ART3: variants seen among roughly 807,000 people sequenced by gnomAD.
ART3 encodes the protein ecto-ADP-ribosyltransferase 3.
ART3 carries 49 observed loss-of-function variants against 48.5 expected under a neutral mutation model. The ratio of observed to expected loss-of-function variants is 1.01; its 90% CI spans 0.80 to 1.28. ART3 has a LOEUF of 1.28. Among genes scored for constraint, ART3 ranks in the 50% most tolerant of loss-of-function variants. The probability of loss-of-function intolerance (pLI) is 0.00; values close to 1 mark genes in which losing one functional copy is unlikely to be tolerated. For missense variants in ART3, 438 were observed against 454.3 expected, an observed-to-expected ratio of 0.96 and a Z score of 0.33; for synonymous variants, 145 against 157.2, an observed-to-expected ratio of 0.92 and a Z score of 0.58.
At chr4:76,072,598 G>A (rs921222930), upstream of ART3, among the ~76,000 whole-genome samples, 2 of 148,010 alleles carry the variant, frequency 1.4e-5, no homozygotes, top group African/African-American at 2.6e-5. Context: ...ACCATTCTCA[G>A]CATAACAGCC....
At chr4:76,036,121 A>G in intron 1 of ART3, 1 of 700,128 alleles carries the variant, frequency 1.4e-6, no homozygotes, top group Non-Finnish European at 2.4e-6. Context: ...TACACCAGCA[A>G]TCCTTTTATG....
chr4:76,059,471 T>C (rs1242919509), intron 1 of ART3, among the ~76,000 whole-genome samples: 1 of 152,006 alleles, frequency 6.6e-6, no homozygotes, highest in Non-Finnish European at 1.5e-5. Context: ...AAAAAATCTG[T>C]TAAATTTATT....
intron 1 of ART3, among the ~76,000 whole-genome samples, chr4:76,051,886 C>T (rs1471420134): frequency 8.0e-6 from 1 of 124,496 alleles, no homozygotes; most frequent in Non-Finnish European, 1.6e-5. Flanking sequence ...TATGTTGTAT[C>T]TCTCTCTCTC....
chr4:76,112,716 A>G lies in ART3; in HGVS notation c.*197A>G. 2.1e-6 allele frequency: 1 copy of G among 477,252 alleles called. No individual in the cohort carries two copies. Among genetic ancestry groups the G allele is most frequent in the Non-Finnish European group, 3.5e-6 (1 of 285,822 alleles). The allele number at this position is 477,252 out of a possible 1,614,324, so 29.6% of individuals were successfully genotyped here. ...TCACAGAACTTTTCACTTGTATACT[A>G]CTCTTACAATGGAAAAAAATCCCGA... On this transcript the variant is annotated 3_prime_UTR_variant, in exon 12 of 12. Coordinates refer to ENST00000355810, the MANE Select transcript of ART3 (RefSeq NM_001130016.3).
chr4:76,045,647 C>A (rs1383260812), intron 1 of ART3, among the ~76,000 whole-genome samples: 1 of 151,988 alleles, frequency 6.6e-6, no homozygotes, highest in East Asian at 1.9e-4. Flanking sequence ...GAAGTTCTGT[C>A]CTGTGGGAAG....
At chr4:76,082,569 G>C (rs1722707494) in intron 3 of ART3, 34 bp downstream of exon 3, 16 of 1,493,764 alleles carry the variant, frequency 1.1e-5, no homozygotes, top group Non-Finnish European at 1.4e-5. Context: ...TTGGCTGGGA[G>C]GGAAGGAGTG....
chr4:76,062,287 A>C (rs1719288590), intron 1 of ART3, among the ~76,000 whole-genome samples: 1 of 152,196 alleles, frequency 6.6e-6, no homozygotes, highest in African/African-American at 2.4e-5. Flanking sequence ...TTTTCTTTTA[A>C]ATTTGACTTA....
chr4:76,013,585 T>C (rs1184546653), intron 1 of ART3, among the ~76,000 whole-genome samples: 4 of 152,234 alleles, frequency 2.6e-5, no homozygotes, highest in Non-Finnish European at 5.9e-5. Flanking sequence ...TTCTGTGTAT[T>C]TGAGTTGTTT....
chr4:76,025,679 CT>C (rs1453924812), intron 1 of ART3, among the ~76,000 whole-genome samples: 3 of 152,122 alleles, frequency 2.0e-5, no homozygotes, highest in Non-Finnish European at 4.4e-5. Flanking sequence ...TGCAAGACAT[CT>C]TTTGCTCAGT....
chr4:76,078,584 C>A (rs1177540140), intron 2 of ART3, among the ~76,000 whole-genome samples: 2 of 152,168 alleles, frequency 1.3e-5, no homozygotes, highest in Non-Finnish European at 2.9e-5. Context: ...TGGCAGAATT[C>A]TCTGTGGCTA....
intron 1 of ART3, chr4:76,022,553 C>G: frequency 6.7e-7 from 1 of 1,483,064 alleles, no homozygotes; most frequent in East Asian, 2.3e-5. Context: ...AAGTTTCACT[C>G]TGCATGTTTT....
intron 3 of ART3, among the ~76,000 whole-genome samples, chr4:76,095,115 A>G (rs1479069589): frequency 1.3e-5 from 2 of 152,198 alleles, no homozygotes; most frequent in East Asian, 1.9e-4. Flanking sequence ...TAGAAACTCA[A>G]AATAGTTTGA....
intron 3 of ART3, among the ~76,000 whole-genome samples, chr4:76,089,226 C>T (rs1304493872): frequency 6.6e-6 from 1 of 152,112 alleles, no homozygotes; most frequent in Non-Finnish European, 1.5e-5. Flanking sequence ...TTCACATATA[C>T]TTGCTTTTTG....
intron 1 of ART3, among the ~76,000 whole-genome samples, chr4:76,051,891 TC>T (rs1736132768): frequency 1.5e-5 from 2 of 129,248 alleles, no homozygotes; most frequent in African/African-American, 6.7e-5. Flanking sequence ...TGTATCTCTC[TC>T]TCTCTCTTTT....
chr4:76,069,343 G>A (rs1720069904), intron 1 of ART3, among the ~76,000 whole-genome samples: 1 of 147,400 alleles, frequency 6.8e-6, no homozygotes, highest in Admixed American at 6.8e-5. Flanking sequence ...GTATAGATCT[G>A]TCTACTCTGG....
intron 1 of ART3, among the ~76,000 whole-genome samples, chr4:76,039,372 A>C (rs944590116): frequency 3.9e-5 from 6 of 152,222 alleles, no homozygotes; most frequent in Admixed American, 6.5e-5. Flanking sequence ...GAGGTAATGC[A>C]TATTAATCAT....
Position 76,082,350 on chromosome 4 carries a change from C to T in ART3, c.596C>T (p.Thr199Ile). 6.2e-7 allele frequency: 1 copy of T among 1,614,162 alleles called. No individual in the cohort carries two copies. Among genetic ancestry groups the T allele is most frequent in the East Asian group, 2.2e-5 (1 of 44,890 alleles). The change falls in exon 3 of 12, where the codon ACT becomes ATT. Residue 199 changes from threonine (T) to isoleucine (I), a missense_variant. Thr to Ile is a moderately conservative substitution (Grantham distance 89). Coordinates refer to ENST00000355810, the MANE Select transcript of ART3 (RefSeq NM_001130016.3). The part of the protein sequence containing the change: ...AKPQAANDQL[T>I]VLSIYTCLGV... ...CCTCAGGCTGCTAATGACCAGCTCA[C>T]TGTGTTATCCATCTACACATGCCTT...
intron 1 of ART3, among the ~76,000 whole-genome samples, chr4:76,015,618 T>A (rs1321629873): frequency 6.6e-6 from 1 of 152,178 alleles, no homozygotes; most frequent in Non-Finnish European, 1.5e-5. Flanking sequence ...AATGAGCTTA[T>A]ATGTATAAAG....
At position 76,098,935 on chromosome 4, in the gene ART3, A is replaced by G. The variant is rs773927973; in HGVS notation, c.815-20A>G. On this transcript the variant is annotated intron_variant, in intron 4 of 11. Coordinates refer to ENST00000355810, the MANE Select transcript of ART3 (RefSeq NM_001130016.3). ...CATCTGAGCATAGTACCATGTAATG[A>G]AAACATGTCTGTATTTCAGAATATT... The G allele has an allele frequency of 1.8e-5, 29 of 1,596,592 alleles. No homozygotes were observed. The highest frequency in any genetic ancestry group is 2.4e-5 in the Non-Finnish European group (28 of 1,164,338).
Sources: allele counts gnomAD v4.1 joint callset (sites outside exome capture counted in the v4.1 genomes callset), GRCh38; gene constraint gnomAD v4.1.1; transcripts MANE v1.5; gene names NCBI Gene and HGNC (gene_info 2026-07-23, HGNC 2026-07-21).